The following GPC6 variants were observed in gnomAD, a reference collection of about 807,000 sequenced individuals.
The protein encoded by GPC6 is glypican-6.
A neutral mutation model predicts 55.2 loss-of-function variants in GPC6; 14 were observed. The observed-to-expected ratio is 0.25, with a 90% CI of 0.17 to 0.40. GPC6 has a LOEUF of 0.40. Among genes scored for constraint, GPC6 ranks in the 10% least tolerant of loss-of-function variants. The pLI is 1.00. For synonymous variants in GPC6, 278 were observed against 259.6 expected (o/e 1.07, Z -0.68); for missense variants, 641 against 708.5 (o/e 0.90, Z 1.08).
At chr13:94,290,069 T>G (rs1874871340) in intron 5 of GPC6, among the ~76,000 whole-genome samples, 2 of 152,104 alleles carry the variant, frequency 1.3e-5, no homozygotes, top group Non-Finnish European at 2.9e-5. Flanking sequence ...ATGAATCAAG[T>G]CAGTGGCATA....
intron 4 of GPC6, among the ~76,000 whole-genome samples, chr13:94,093,231 A>C (rs2138814905): frequency 6.6e-6 from 1 of 152,066 alleles, no homozygotes; most frequent in South Asian, 2.1e-4. Flanking sequence ...TCCTTTTAAT[A>C]GTTTTATAGT....
chr13:93,358,345 CA>C (rs201384328), intron 1 of GPC6, among the ~76,000 whole-genome samples: 4 of 149,192 alleles, frequency 2.7e-5, no homozygotes, highest in Non-Finnish European at 4.5e-5. Context: ...GTCTCAAAGA[CA>C]AAAAAAAATG....
chr13:93,816,744 T>TA (rs1886866580), intron 2 of GPC6, among the ~76,000 whole-genome samples: 1 of 152,134 alleles, frequency 6.6e-6, no homozygotes, highest in African/African-American at 2.4e-5. Flanking sequence ...AAACACAAAC[T>TA]ATATTCTTCA....
At chr13:93,925,550 T>G (rs184687137) in intron 3 of GPC6, among the ~76,000 whole-genome samples, 10 of 152,282 alleles carry the variant, frequency 6.6e-5, no homozygotes, top group African/African-American at 2.4e-4. Context: ...GTGCCTTAAA[T>G]TGTAGCATAA....
At chr13:93,802,145 A>G (rs1033151474) in intron 2 of GPC6, among the ~76,000 whole-genome samples, 6 of 152,154 alleles carry the variant, frequency 3.9e-5, no homozygotes, top group African/African-American at 1.4e-4. Flanking sequence ...AGATAATATA[A>G]AAGAGAAATC....
chr13:93,629,257 G>A (rs897879482), intron 2 of GPC6, among the ~76,000 whole-genome samples: 1 of 151,902 alleles, frequency 6.6e-6, no homozygotes, highest in African/African-American at 2.4e-5. Context: ...TGCTATACTT[G>A]GACATTTTGA....
chr13:93,573,214 A>G lies in GPC6; in HGVS notation c.319+27793A>G, dbSNP rs1186082105. 4.6e-5 allele frequency among the ~76,000 whole-genome samples: 7 copies of G among 152,170 alleles called. No homozygotes were observed. The South Asian group carries it at 8.3e-4, about 18-fold the overall frequency. Reference sequence around the variant, plus strand: ...ATACAGATGGTATGTGATGAACACTATAAATAGGTAAATTATAATATACAT... The same window carrying G: ...ATACAGATGGTATGTGATGAACACTGTAAATAGGTAAATTATAATATACAT... On this transcript the variant is annotated intron_variant, in intron 2 of 8. Coordinates refer to ENST00000377047, the MANE Select transcript of GPC6 (RefSeq NM_005708.5).
chr13:93,399,006 A>G lies in GPC6; in HGVS notation c.161-146257A>G, dbSNP rs138850040. 1.5e-3 allele frequency among the ~76,000 whole-genome samples: 227 copies of G among 152,176 alleles called. 2 individuals are homozygous for G. The highest frequency in any genetic ancestry group is 5.1e-3 in the African/African-American group (210 of 41,538). ...GAGAAACTGAAGAAACCTTTCTTCA[A>G]TGGTTACCGTGATCAGTTCCCTCTC... is the stretch of plus-strand genomic sequence containing the variant. On this transcript the variant is annotated intron_variant, in intron 1 of 8. Coordinates refer to ENST00000377047, the MANE Select transcript of GPC6 (RefSeq NM_005708.5).
chr13:93,942,287 G>A (rs142534968), intron 3 of GPC6, among the ~76,000 whole-genome samples: 72 of 152,266 alleles, frequency 4.7e-4, no homozygotes, highest in African/African-American at 1.6e-3. Flanking sequence ...GTAAAACTTA[G>A]CTTCGAGCCT....
chr13:93,257,153 T>A (rs1876981674), intron 1 of GPC6, among the ~76,000 whole-genome samples: 1 of 149,358 alleles, frequency 6.7e-6, no homozygotes, highest in African/African-American at 2.4e-5. Context: ...AAAAAAAAAA[T>A]TATCAGGCAT....
At chr13:93,372,146 C>A (rs983510277) in intron 1 of GPC6, among the ~76,000 whole-genome samples, 1 of 152,100 alleles carries the variant, frequency 6.6e-6, no homozygotes, top group Non-Finnish European at 1.5e-5. Flanking sequence ...TATCAAATGC[C>A]TGTTATACAC....
intron 2 of GPC6, among the ~76,000 whole-genome samples, chr13:93,648,412 T>A (rs1386722651): frequency 6.6e-6 from 1 of 152,104 alleles, no homozygotes; most frequent in Admixed American, 6.6e-5. Flanking sequence ...ATATAGGAAA[T>A]AAGGAATAAT....
chr13:93,657,815 A>C (rs1031009167), intron 2 of GPC6, among the ~76,000 whole-genome samples: 5 of 152,140 alleles, frequency 3.3e-5, no homozygotes, highest in African/African-American at 1.2e-4. Flanking sequence ...TGCTTCTCAA[A>C]AGAAGACATA....
intron 2 of GPC6, among the ~76,000 whole-genome samples, chr13:93,752,518 G>T (rs1594426958): frequency 6.6e-6 from 1 of 151,946 alleles, no homozygotes; most frequent in Non-Finnish European, 1.5e-5. Context: ...ATTACCACTG[G>T]CAACATTATA....
chr13:93,865,593 T>C (rs1041581847), intron 3 of GPC6, among the ~76,000 whole-genome samples: 1 of 151,720 alleles, frequency 6.6e-6, no homozygotes, highest in African/African-American at 2.4e-5. Flanking sequence ...TGCTACCCTG[T>C]GTCATCCTTA....
At chr13:93,374,587 C>G (rs981602737) in intron 1 of GPC6, among the ~76,000 whole-genome samples, 1 of 152,178 alleles carries the variant, frequency 6.6e-6, no homozygotes, top group Admixed American at 6.5e-5. Flanking sequence ...ACTACTGTGG[C>G]CTTTGCAGAT....
intron 1 of GPC6, among the ~76,000 whole-genome samples, chr13:93,332,653 C>G (rs1024321944): frequency 2.0e-5 from 3 of 152,088 alleles, no homozygotes; most frequent in African/African-American, 7.2e-5. Context: ...TTCTCCCATT[C>G]TGTAGGTTAT....
At chr13:93,927,154 T>C (rs748958849) in intron 3 of GPC6, among the ~76,000 whole-genome samples, 3 of 152,198 alleles carry the variant, frequency 2.0e-5, no homozygotes, top group African/African-American at 7.2e-5. Context: ...CAGCCTAGAA[T>C]TAAGTAACTT....
At chr13:93,807,465 C>G (rs889366421) in intron 2 of GPC6, among the ~76,000 whole-genome samples, 1 of 152,158 alleles carries the variant, frequency 6.6e-6, no homozygotes, top group Non-Finnish European at 1.5e-5. Context: ...CAGAGGCTGG[C>G]CAAATGAAAT....
Sources: allele counts gnomAD v4.1 joint callset (sites outside exome capture counted in the v4.1 genomes callset), GRCh38; gene constraint gnomAD v4.1.1; transcripts MANE v1.5; gene names NCBI Gene and HGNC (gene_info 2026-07-23, HGNC 2026-07-21).